Variants in KALRN observed in about 807,000 individuals in gnomAD.
KALRN encodes kalirin RhoGEF kinase.
In KALRN, 70 loss-of-function variants were observed where a neutral mutation model predicts 353.7. That is an observed-to-expected ratio of 0.20 (90% CI 0.16 to 0.24). KALRN has a LOEUF of 0.24. Among genes scored for constraint, KALRN ranks in the 10% least tolerant of loss-of-function variants. The pLI is 1.00. For missense variants in KALRN, 2,791 were observed against 3,756.7 expected, an observed-to-expected ratio of 0.74 and a Z score of 6.72; for synonymous variants, 1,391 against 1,434.8, an observed-to-expected ratio of 0.97 and a Z score of 0.69.
chr3:124,176,730 G>A (rs1424794447), intron 1 of KALRN, among the ~76,000 whole-genome samples: 1 of 152,184 alleles, frequency 6.6e-6, no homozygotes, highest in African/African-American at 2.4e-5. Context: ...TGCTCTGCTT[G>A]TCTGGTTTGT....
intron 29 of KALRN, 125 bp downstream of exon 29, chr3:124,488,440 G>A (rs1204350735): frequency 1.4e-6 from 1 of 696,062 alleles, no homozygotes; most frequent in Non-Finnish European, 2.6e-6. Flanking sequence ...GAAATGACAA[G>A]TAGTTACATA....
At chr3:124,452,270 C>T (rs2058861330) in intron 21 of KALRN, among the ~76,000 whole-genome samples, 1 of 152,222 alleles carries the variant, frequency 6.6e-6, no homozygotes, top group Admixed American at 6.5e-5. Context: ...TAAAAATCTT[C>T]AACTCTTGCT....
intron 53 of KALRN, among the ~76,000 whole-genome samples, chr3:124,695,196 A>G (rs899022669): frequency 1.3e-5 from 2 of 152,186 alleles, no homozygotes; most frequent in Admixed American, 1.3e-4. Context: ...CACAGAGTCC[A>G]TTTAACAAAA....
chr3:124,306,304 T>A (rs1414119094), intron 6 of KALRN, among the ~76,000 whole-genome samples: 1 of 151,918 alleles, frequency 6.6e-6, no homozygotes. Flanking sequence ...CTTATTTTTT[T>A]AAAGGAAATA....
intron 33 of KALRN, among the ~76,000 whole-genome samples, chr3:124,556,680 C>T (rs1291366806): frequency 6.6e-6 from 1 of 152,190 alleles, no homozygotes; most frequent in Non-Finnish European, 1.5e-5. Flanking sequence ...CATTTTTCCC[C>T]ATTACCTTTG....
intron 1 of KALRN, among the ~76,000 whole-genome samples, chr3:124,137,474 A>G (rs955668095): frequency 6.6e-6 from 1 of 152,108 alleles, no homozygotes; most frequent in Non-Finnish European, 1.5e-5. Flanking sequence ...TATGGGAGCA[A>G]TGGAGCATTT....
intron 32 of KALRN, among the ~76,000 whole-genome samples, chr3:124,496,000 TATATATATATATAC>T (rs1561137377): frequency 7.1e-5 from 4 of 56,446 alleles, no homozygotes; most frequent in Non-Finnish European, 1.3e-4. Context: ...TATATATATA[TATATATATATATAC>T]ACACACATAT....
At chr3:124,636,568 C>A (rs958142327) in intron 36 of KALRN, among the ~76,000 whole-genome samples, 2 of 152,078 alleles carry the variant, frequency 1.3e-5, no homozygotes, top group Non-Finnish European at 2.9e-5. Context: ...AGTTCAGGGG[C>A]CTTACCAGAG....
intron 10 of KALRN, among the ~76,000 whole-genome samples, chr3:124,355,309 T>A (rs1464398336): frequency 1.3e-5 from 2 of 152,226 alleles, no homozygotes; most frequent in Non-Finnish European, 2.9e-5. Flanking sequence ...ATAATTATAC[T>A]GTCACTGTTT....
chr3:124,039,492 A>G (rs1171242763), intron 1 of KALRN, among the ~76,000 whole-genome samples: 1 of 152,246 alleles, frequency 6.6e-6, no homozygotes, highest in Non-Finnish European at 1.5e-5. Flanking sequence ...TAAATCAAAC[A>G]TGGCAAAATA....
At chr3:124,495,977 A>ATGTGTG (rs1337218017) in intron 32 of KALRN, among the ~76,000 whole-genome samples, 1 of 26,722 alleles carries the variant, frequency 3.7e-5, no homozygotes, top group Non-Finnish European at 6.7e-5. Flanking sequence ...ATATATATAT[A>ATGTGTG]TATATATATA....
intron 10 of KALRN, among the ~76,000 whole-genome samples, chr3:124,377,841 C>A (rs694852): frequency 6.6e-6 from 1 of 151,988 alleles, no homozygotes; most frequent in Admixed American, 6.5e-5. Context: ...CAATCTACTA[C>A]GTCTGATATT....
chr3:124,667,431 T>C (rs2085779247), intron 47 of KALRN, among the ~76,000 whole-genome samples: 1 of 152,234 alleles, frequency 6.6e-6, no homozygotes, highest in African/African-American at 2.4e-5. Flanking sequence ...ACAGGATATA[T>C]GTCTTGTGGC....
At chr3:124,136,078 C>T (rs1201576837) in intron 1 of KALRN, among the ~76,000 whole-genome samples, 1 of 152,096 alleles carries the variant, frequency 6.6e-6, no homozygotes, top group Non-Finnish European at 1.5e-5. Flanking sequence ...GATGACTTCC[C>T]CACACCTAGA....
chr3:124,400,711 G>A (rs1391003313), intron 13 of KALRN, among the ~76,000 whole-genome samples: 1 of 152,192 alleles, frequency 6.6e-6, no homozygotes. Flanking sequence ...GGATTGAGAT[G>A]TACAAAAATA....
intron 5 of KALRN, among the ~76,000 whole-genome samples, chr3:124,285,698 G>A (rs958386941): frequency 6.6e-6 from 1 of 152,004 alleles, no homozygotes; most frequent in Admixed American, 6.6e-5. Flanking sequence ...ACCATGCCTG[G>A]CTAATTTTTG....
intron 33 of KALRN, among the ~76,000 whole-genome samples, chr3:124,549,409 T>A: frequency 6.7e-6 from 1 of 148,214 alleles, no homozygotes; most frequent in Non-Finnish European, 1.5e-5. Flanking sequence ...ACACAAAATC[T>A]CACACACACA....
intron 1 of KALRN, among the ~76,000 whole-genome samples, chr3:124,120,046 C>T (rs1335584758): frequency 6.6e-6 from 1 of 152,136 alleles, no homozygotes; most frequent in East Asian, 1.9e-4. Flanking sequence ...GAGGTCAGCC[C>T]CAGTTCACTG....
chr3:124,334,413 G>T lies in KALRN; in HGVS notation c.1565G>T (p.Arg522Leu), dbSNP rs35057827. 1.4e-5 allele frequency: 22 copies of T among 1,614,090 alleles called. No homozygotes were observed. Among genetic ancestry groups the T allele is most frequent in the Non-Finnish European group, 1.8e-5 (21 of 1,180,028 alleles). ...CATGAGGTGTTACATCACCAGCGAC[G>T]GCTGGAGAGCATCTGGCAGCACCGC... is the stretch of plus-strand genomic sequence containing the variant. ...VVHEVLHHQR[R>L]LESIWQHRKV... is the part of the protein sequence containing the mutation. Residue 522 changes from arginine to leucine, a missense_variant, in exon 9 of 60, where the codon CGG becomes CTG. Arg to Leu is a moderately radical substitution (Grantham distance 102, BLOSUM62 -2). This residue lies in a region of KALRN where 366 missense variants were observed against 489.2 expected (regional missense o/e 0.75). Coordinates refer to ENST00000682506, the MANE Select transcript of KALRN (RefSeq NM_001388419.1). This position sits in a 1 kb window ranked among gnomAD's most constrained non-coding sequence, Gnocchi z 4.2.
Sources: gnomAD v4.1 joint callset for allele counts (sites outside exome capture counted in the v4.1 genomes callset) on GRCh38, gnomAD v4.1.1 for gene constraint, gnomAD v4.1.1 regional missense constraint, Gnocchi (gnomAD v3.1) non-coding constraint, MANE v1.5 for transcripts, NCBI Gene and HGNC (gene_info 2026-07-23, HGNC 2026-07-21) for gene names.